Variants in ROBO1 observed in about 807,000 individuals in gnomAD.
ROBO1 encodes roundabout homolog 1.
Under a neutral mutation model 195.9 loss-of-function variants are expected in ROBO1, and 149 were observed. The ratio of observed to expected loss-of-function variants is 0.76; its 90% CI spans 0.67 to 0.87. The LOEUF is 0.87. Ranked by LOEUF, ROBO1 falls within the 40% of genes least tolerant of loss-of-function variation. The pLI is 0.00. For synonymous variants in ROBO1, 816 were observed against 733.2 expected (o/e 1.11, Z -1.82); for missense variants, 1,933 against 2,068.3 (o/e 0.93, Z 1.27).
At chr3:79,617,820 C>CAAAA (rs60181598) in intron 1 of ROBO1, among the ~76,000 whole-genome samples, 23 of 57,784 alleles carry the variant, frequency 4.0e-4, no homozygotes, top group African/African-American at 9.9e-4. Context: ...GACTCTGTCT[C>CAAAA]AAAAAAAAAA....
At chr3:78,690,117 A>G (rs1191180718) in intron 8 of ROBO1, among the ~76,000 whole-genome samples, 1 of 137,550 alleles carries the variant, frequency 7.3e-6, no homozygotes, top group African/African-American at 2.6e-5. Flanking sequence ...AAGAAATATT[A>G]AAAGCTACTT....
chr3:79,089,168 T>A (rs972703972), intron 3 of ROBO1, among the ~76,000 whole-genome samples: 4 of 152,124 alleles, frequency 2.6e-5, no homozygotes, highest in African/African-American at 9.7e-5. Context: ...TCCTTATACA[T>A]TTTGAGAAAT....
At chr3:79,399,706 A>G (rs2106773439) in intron 2 of ROBO1, among the ~76,000 whole-genome samples, 1 of 152,322 alleles carries the variant, frequency 6.6e-6, no homozygotes, top group South Asian at 2.1e-4. Flanking sequence ...GATTGTTTTT[A>G]ATAGGAAGAA....
At chr3:79,400,094 T>G (rs545256287) in intron 2 of ROBO1, among the ~76,000 whole-genome samples, 1 of 152,204 alleles carries the variant, frequency 6.6e-6, no homozygotes, top group Non-Finnish European at 1.5e-5. Context: ...AAATGTAAAT[T>G]TACTTCAAAA....
intron 2 of ROBO1, among the ~76,000 whole-genome samples, chr3:79,506,833 A>G (rs1031339199): frequency 2.0e-5 from 3 of 152,240 alleles, no homozygotes; most frequent in African/African-American, 4.8e-5. Flanking sequence ...CAACTTACAT[A>G]TTAGGTATGT....
chr3:78,860,328 T>TATATATATATA (rs1559934346), intron 4 of ROBO1, among the ~76,000 whole-genome samples: 1 of 31,258 alleles, frequency 3.2e-5, no homozygotes, highest in Non-Finnish European at 7.9e-5. Flanking sequence ...ATATATATAT[T>TATATATATATA]TTTTTTTTTT....
intron 2 of ROBO1, among the ~76,000 whole-genome samples, chr3:79,224,906 G>A (rs571449558): frequency 1.3e-5 from 2 of 152,222 alleles, no homozygotes; most frequent in East Asian, 3.9e-4. Context: ...AAATCATATG[G>A]CAGGCCAGAG....
chr3:79,276,128 A>C (rs1168689780), intron 2 of ROBO1, among the ~76,000 whole-genome samples: 5 of 152,054 alleles, frequency 3.3e-5, no homozygotes, highest in African/African-American at 1.2e-4. Flanking sequence ...ATAATCCTAA[A>C]ATTTATATGG....
At chr3:79,046,781 T>C (rs762538867) in intron 3 of ROBO1, among the ~76,000 whole-genome samples, 2 of 152,136 alleles carry the variant, frequency 1.3e-5, no homozygotes, top group Non-Finnish European at 2.9e-5. Context: ...CTGACTCAAA[T>C]GTTAAACTCT....
intron 2 of ROBO1, among the ~76,000 whole-genome samples, chr3:79,173,089 G>C (rs1204172925): frequency 2.6e-5 from 4 of 152,078 alleles, no homozygotes; most frequent in Non-Finnish European, 4.4e-5. Flanking sequence ...GCTTTACATG[G>C]GTTCAATGGT....
chr3:79,256,191 C>T, intron 2 of ROBO1, among the ~76,000 whole-genome samples: 1 of 152,150 alleles, frequency 6.6e-6, no homozygotes, highest in East Asian at 1.9e-4. Context: ...TAATGGCTTT[C>T]TGGATTTTCT....
intron 2 of ROBO1, among the ~76,000 whole-genome samples, chr3:79,442,802 G>C (rs1463558574): frequency 6.6e-6 from 1 of 152,124 alleles, no homozygotes; most frequent in East Asian, 1.9e-4. Context: ...CTCTTGCTTA[G>C]AATTCTTTCC....
intron 2 of ROBO1, among the ~76,000 whole-genome samples, chr3:79,454,777 C>G (rs1035729974): frequency 2.0e-5 from 3 of 151,980 alleles, no homozygotes; most frequent in Non-Finnish European, 4.4e-5. Flanking sequence ...ACATTTGTTT[C>G]TTCAGAATCA....
At chr3:78,721,172 T>G (rs1156854961) in intron 5 of ROBO1, among the ~76,000 whole-genome samples, 1 of 152,200 alleles carries the variant, frequency 6.6e-6, no homozygotes, top group African/African-American at 2.4e-5. Context: ...ACATCCTTAT[T>G]ATCTTAATTA....
At chr3:79,573,975 C>T (rs1943363758) in intron 2 of ROBO1, among the ~76,000 whole-genome samples, 1 of 152,094 alleles carries the variant, frequency 6.6e-6, no homozygotes, top group Non-Finnish European at 1.5e-5. Flanking sequence ...TCATGAAGCA[C>T]AAATTGCAAC....
chr3:79,032,949 C>T (rs1292044465), intron 3 of ROBO1, among the ~76,000 whole-genome samples: 3 of 151,992 alleles, frequency 2.0e-5, no homozygotes, highest in African/African-American at 7.2e-5. Flanking sequence ...TGTTCATTAA[C>T]TAGATGGGAC....
intron 3 of ROBO1, among the ~76,000 whole-genome samples, chr3:78,946,910 T>G (rs955259905): frequency 6.6e-6 from 1 of 151,932 alleles, no homozygotes; most frequent in East Asian, 1.9e-4. Context: ...CCAACAAAGA[T>G]GAAAAGAGAC....
At chr3:78,916,870 A>G (rs977182802) in intron 4 of ROBO1, among the ~76,000 whole-genome samples, 2 of 152,178 alleles carry the variant, frequency 1.3e-5, no homozygotes, top group African/African-American at 2.4e-5. Context: ...TATGGTGGCT[A>G]AAAACTGTCA....
At chr3:78,809,904 G>A (rs1373428820) in intron 4 of ROBO1, among the ~76,000 whole-genome samples, 1 of 151,676 alleles carries the variant, frequency 6.6e-6, no homozygotes, top group Non-Finnish European at 1.5e-5. Context: ...GGGTTGATGG[G>A]TGCAGCAAAC....
Sources: allele counts gnomAD v4.1 joint callset (sites outside exome capture counted in the v4.1 genomes callset), GRCh38; gene constraint gnomAD v4.1.1; transcripts MANE v1.5; gene names NCBI Gene and HGNC (gene_info 2026-07-23, HGNC 2026-07-21).